The following PCDHA3 variants were observed in gnomAD, a reference collection of about 807,000 sequenced individuals.
PCDHA3 encodes protocadherin alpha-3.
In PCDHA3, 41 loss-of-function variants were observed where a neutral mutation model predicts 62.2. That is an observed-to-expected ratio of 0.66 (90% CI 0.51 to 0.86). The LOEUF (loss-of-function observed/expected upper bound fraction) is 0.86. PCDHA3 is among the 40% of genes least tolerant of loss of function. PCDHA3 has a pLI of 0.00. For missense variants in PCDHA3, 1,304 were observed against 1,241.2 expected (o/e 1.05, Z -0.76); for synonymous variants, 640 against 555.4 (o/e 1.15, Z -2.14).
intron 1 of PCDHA3, among the ~76,000 whole-genome samples, chr5:140,919,978 A>C (rs993704497): frequency 7.5e-6 from 1 of 134,032 alleles, no homozygotes; most frequent in Non-Finnish European, 1.7e-5. Flanking sequence ...AAGAGATAGA[A>C]GATGGAAAAC....
intron 1 of PCDHA3, chr5:140,870,541 G>A: frequency 1.2e-6 from 2 of 1,614,136 alleles, no homozygotes; most frequent in Non-Finnish European, 8.5e-7. Flanking sequence ...GTCGGCGCGG[G>A]ACGCGGACGC....
At chr5:140,876,972 C>T (rs374149249) in intron 1 of PCDHA3, 13 of 1,612,478 alleles carry the variant, frequency 8.1e-6, no homozygotes, top group Non-Finnish European at 1.1e-5. Context: ...GGCGGGTGGG[C>T]GAGCACGCAC....
chr5:140,853,422 G>A, intron 1 of PCDHA3: 8 of 986,108 alleles, frequency 8.1e-6, no homozygotes, highest in Non-Finnish European at 9.8e-6. Flanking sequence ...GAAAGCAGAA[G>A]AGACACTTTC....
intron 1 of PCDHA3, chr5:140,856,832 C>A (rs2044230469): frequency 3.1e-6 from 5 of 1,590,918 alleles, no homozygotes; most frequent in Non-Finnish European, 4.3e-6. Context: ...ATTAGTAATA[C>A]GGCTCAACGC....
chr5:140,843,633 C>T (rs1554140304), intron 1 of PCDHA3: 1 of 1,595,708 alleles, frequency 6.3e-7, no homozygotes, highest in Admixed American at 1.7e-5. Context: ...GACCTCATGG[C>T]CTTCAGCCCC....
chr5:140,858,219 C>A (rs1554151292), intron 1 of PCDHA3: 2 of 1,595,768 alleles, frequency 1.3e-6, no homozygotes, highest in Non-Finnish European at 8.6e-7. Flanking sequence ...TGCTCGGCGG[C>A]GCCCACCGAG....
At chr5:140,854,204 A>G in intron 1 of PCDHA3, 1 of 510,702 alleles carries the variant, frequency 2.0e-6, no homozygotes, top group Non-Finnish European at 2.5e-6. Flanking sequence ...CCTACTTTTT[A>G]TTCAATATTG....
chr5:140,833,414 G>A (rs1408450757), intron 1 of PCDHA3, among the ~76,000 whole-genome samples: 1 of 152,196 alleles, frequency 6.6e-6, no homozygotes, highest in Non-Finnish European at 1.5e-5. Flanking sequence ...AAGGGCTGCT[G>A]TATGTGAGAT....
chr5:140,863,075 C>A (rs546237964), intron 1 of PCDHA3: 2 of 569,532 alleles, frequency 3.5e-6, no homozygotes, highest in South Asian at 1.4e-5. Context: ...GGGCTCTGCA[C>A]GGGCGAGATC....
chr5:140,853,011 T>C, intron 1 of PCDHA3: 1 of 283,070 alleles, frequency 3.5e-6, no homozygotes, highest in African/African-American at 2.3e-5. Context: ...CCCGAGTAGC[T>C]GGGACTACAG....
At chr5:140,968,969 A>C in intron 1 of PCDHA3, 2 of 1,614,230 alleles carry the variant, frequency 1.2e-6, no homozygotes. Flanking sequence ...CTACCGCTAC[A>C]CTGCGTATGG....
intron 1 of PCDHA3, chr5:140,855,887 CAA>C: frequency 1.0e-6 from 1 of 985,616 alleles, no homozygotes; most frequent in Non-Finnish European, 1.5e-6. Flanking sequence ...CTTTTTAGAA[CAA>C]AGGCATCAGC....
At chr5:140,989,174 G>T (rs1305141291) in intron 3 of PCDHA3, among the ~76,000 whole-genome samples, 3 of 152,132 alleles carry the variant, frequency 2.0e-5, no homozygotes, top group Non-Finnish European at 4.4e-5. Flanking sequence ...TAAAACAGGA[G>T]AGTTTCTGAA....
At position 140,916,114 on chromosome 5, in the gene PCDHA3, G is replaced by A. The variant is rs533496476; in HGVS notation, c.2395-62835G>A. On this transcript the variant is annotated intron_variant, in intron 1 of 3. Transcript: ENST00000522353. ...GGGAATCTGCCTGGCCACTGCTGAT[G>A]TTCACTTAAAGCTTAAGGGCTGTTC... 5.9e-5 allele frequency among the ~76,000 whole-genome samples: 9 copies of A among 152,238 alleles called. No homozygotes were observed. In the East Asian group the frequency reaches 1.7e-3, roughly 29 times the overall value.
chr5:140,883,817 G>A, intron 1 of PCDHA3: 1 of 1,612,636 alleles, frequency 6.2e-7, no homozygotes, highest in Non-Finnish European at 8.5e-7. Context: ...GAGCGGCAAG[G>A]TGTACGCGCT....
rs782754440 is a variant in PCDHA3, at chr5:140,869,396, A to G, written c.2394+65805A>G. 3.2e-5 allele frequency: 51 copies of G among 1,614,230 alleles called. No homozygotes were observed. The highest frequency in any genetic ancestry group is 1.6e-4 in the Middle Eastern group (1 of 6,062). On this transcript the variant is annotated intron_variant, in intron 1 of 3. Transcript: ENST00000522353. ...ATCGACCGCGAGGAGCTGTGCGGGC[A>G]GAGCGCGGAGTGCAGCATCCACCTG...
intron 1 of PCDHA3, among the ~76,000 whole-genome samples, chr5:140,924,152 C>A (rs1163487854): frequency 6.6e-6 from 1 of 152,176 alleles, no homozygotes. Flanking sequence ...TGAAGAAATG[C>A]ACATCCTAAT....
At chr5:141,005,701 C>CA (rs59860837) in intron 3 of PCDHA3, among the ~76,000 whole-genome samples, 506 of 7,758 alleles carry the variant, frequency 0.065, 109 homozygotes, top group Non-Finnish European at 0.076. Context: ...AACTCCGTCT[C>CA]AAAAAAAAAA....
At chr5:140,950,043 A>T (rs1011500100) in intron 1 of PCDHA3, among the ~76,000 whole-genome samples, 1 of 151,950 alleles carries the variant, frequency 6.6e-6, no homozygotes, top group Non-Finnish European at 1.5e-5. Flanking sequence ...TTACAACCAT[A>T]TAAGACTATT....
Sources: allele counts gnomAD v4.1 joint callset (sites outside exome capture counted in the v4.1 genomes callset), GRCh38; gene constraint gnomAD v4.1.1; transcripts MANE v1.5; gene names NCBI Gene and HGNC (gene_info 2026-07-23, HGNC 2026-07-21).